DPP7: variants seen among roughly 807,000 people sequenced by gnomAD.
DPP7 encodes the protein dipeptidyl peptidase 7.
In DPP7, 74 loss-of-function variants were observed where a neutral mutation model predicts 58.8. The ratio of observed to expected loss-of-function variants is 1.26; its 90% CI spans 1.04 to 1.53. The LOEUF is 1.53. Ranked by LOEUF, DPP7 falls within the 40% of genes most tolerant of loss-of-function variation. The pLI is 0.00. For missense variants in DPP7, 807 were observed against 692.3 expected (o/e 1.17, Z -1.86); for synonymous variants, 350 against 303.6 (o/e 1.15, Z -1.59).
At position 137,113,364 on chromosome 9, in the gene DPP7, C is replaced by A. The variant is rs372876497; in HGVS notation, c.618G>T (p.Thr206=). 7 of 1,611,324 alleles carry A rather than the reference C, an allele frequency of 4.3e-6. No homozygotes were observed. In the East Asian group the frequency reaches 1.1e-4, roughly 26 times the overall value. Residue 206 remains threonine, a synonymous_variant, in exon 5 of 13, where the codon ACG becomes ACT. Coordinates refer to ENST00000371579, the MANE Select transcript of DPP7 (RefSeq NM_013379.3). ...GDSNQFFRDV[T]ADFEGQSPKC... ...GAGGACCCCAAGCCTCACTCACCGC[C>A]GTGACGTCCCGGAAGAACTGGTTGG...
chr9:137,116,072 C>A (rs777507039), upstream of DPP7, among the ~76,000 whole-genome samples: 2 of 152,214 alleles, frequency 1.3e-5, no homozygotes, highest in Non-Finnish European at 2.9e-5. Flanking sequence ...CCAAGCACAC[C>A]AGAGCCTGGA....
intron 11 of DPP7, among the ~76,000 whole-genome samples, 187 bp from the exon 12 acceptor site, chr9:137,111,137 G>T (rs916360190): frequency 6.6e-6 from 1 of 152,162 alleles, no homozygotes; most frequent in African/African-American, 2.4e-5. Context: ...GGTGAGACAG[G>T]AGCAGGGAAG....
intron 3 of DPP7, 22 bp downstream of exon 3, chr9:137,114,204 TGCCCCGCGACCCCGCCC>T (rs1831529586): frequency 1.0e-6 from 1 of 977,914 alleles, no homozygotes; most frequent in Non-Finnish European, 1.3e-6. Context: ...GGCACCCACG[TGCCCCGCGACCCCGCCC>T]GCGACCCCGC....
chr9:137,110,719 CGAT>C lies in DPP7; in HGVS notation c.1405_1407del (p.Ile469del), dbSNP rs556718103. ...CGCCTGGCTGCCTTTACCCACTCGC[CGAT>C]GATGGTGGCCTCCAGCTTCCGCGCC... On this transcript the variant is annotated inframe_deletion, in exon 13 of 13. Transcript: ENST00000371579. 0.011 allele frequency: 16,890 copies of C among 1,607,978 alleles called. 101 individuals carry two copies. Among genetic ancestry groups the C allele is most frequent in the Non-Finnish European group, 0.013 (15,136 of 1,179,912 alleles).
chr9:137,114,414 G>A (rs758609260), intron 2 of DPP7, 32 bp from the exon 3 acceptor site: 17 of 1,566,848 alleles, frequency 1.1e-5, no homozygotes, highest in Non-Finnish European at 1.5e-5. Flanking sequence ...CGAGGGTGCC[G>A]GGGGGCGGCG....
chr9:137,112,523 A>G, intron 8 of DPP7: 1 of 667,620 alleles, frequency 1.5e-6, no homozygotes, highest in Non-Finnish European at 2.5e-6. Flanking sequence ...GGCAGCACCC[A>G]CCAAGCTGGG....
intron 11 of DPP7, among the ~76,000 whole-genome samples, chr9:137,111,443 G>A (rs1054270429): frequency 6.6e-6 from 1 of 152,238 alleles, no homozygotes; most frequent in Non-Finnish European, 1.5e-5. Context: ...TTGAGCCCAA[G>A]AGTTCGAGAC....
rs755783035 is a variant in DPP7, at chr9:137,114,053, GGCCCCGCGACCCCGCCCGGCACCCGCGT to G, written c.322-53_322-26del. ...GCTGGGGGAACGTGCCATTGAGCCCGGCCCCGCGACCCCGCCCGGCACCCGCGTGCCCCGCGACCCCCGCCCGCGACCC... is the reference window on the plus strand; with the variant it reads ...GCTGGGGGAACGTGCCATTGAGCCCGGCCCCGCGACCCCCGCCCGCGACCC... On this transcript the variant is annotated intron_variant, in intron 3 of 12. Transcript: ENST00000371579. 1.6e-4 allele frequency: 204 copies of G among 1,313,734 alleles called. No homozygotes were observed. In the East Asian group the frequency reaches 5.6e-3, roughly 36 times the overall value. 81.4% of individuals were successfully genotyped at this position (1,313,734 alleles called of 1,614,324 possible). A position where few individuals can be genotyped will look rare whatever the true frequency, so the allele number is the denominator to read the frequency against.
At chr9:137,113,611 C>T (rs1184394258) in intron 4 of DPP7, 115 bp from the exon 5 acceptor site, 6 of 1,441,138 alleles carry the variant, frequency 4.2e-6, no homozygotes, top group Admixed American at 2.8e-5. Context: ...CCCACAAATT[C>T]CAACCCTGGG....
chr9:137,117,077 C>T (rs945436959), upstream of DPP7, among the ~76,000 whole-genome samples: 4 of 152,228 alleles, frequency 2.6e-5, no homozygotes, highest in African/African-American at 7.2e-5. Context: ...ACTCAGAGAC[C>T]GGGGCCGGTG....
At position 137,114,585 on chromosome 9, in the gene DPP7, G is replaced by A. The variant is rs1042278723; in HGVS notation, c.68-9C>T. The stretch of plus-strand genomic sequence containing the variant: ...GTCCGGGGCCCTGCGGGCTGTGGGG[G>A]GACGCGAACCTCAGAGGCGGGGCCG... On this transcript the variant is annotated splice_polypyrimidine_tract_variant and intron_variant, in intron 1 of 12. Coordinates refer to ENST00000371579, the MANE Select transcript of DPP7 (RefSeq NM_013379.3). The A allele has an allele frequency of 1.3e-5, 20 of 1,512,792 alleles. No homozygotes were observed. In the Admixed American group the frequency reaches 3.2e-4, roughly 24 times the overall value. 93.7% of individuals were successfully genotyped at this position (1,512,792 alleles called of 1,614,324 possible).
At chr9:137,111,058 C>G (rs1018431901) in intron 11 of DPP7, 108 bp from the exon 12 acceptor site, 1 of 1,098,746 alleles carries the variant, frequency 9.1e-7, no homozygotes, top group East Asian at 2.5e-5. Flanking sequence ...ACTCAGTGCC[C>G]ATCAAGCAAC....
upstream of DPP7, chr9:137,114,772 C>T (rs535437822): frequency 4.7e-4 from 571 of 1,218,182 alleles, 3 homozygotes; most frequent in African/African-American, 7.2e-3. Flanking sequence ...AGGGCGCGCT[C>T]CTCCCTCCAG....
At position 137,114,706 on chromosome 9, in the gene DPP7, G is replaced by A. The variant is rs1482871087; in HGVS notation, c.8C>T (p.Ser3Phe). 2 of 1,302,100 alleles carry A rather than the reference G, an allele frequency of 1.5e-6. No homozygotes were observed. The highest frequency in any genetic ancestry group is 1.9e-6 in the Non-Finnish European group (2 of 1,027,500). The allele number at this position is 1,302,100 out of a possible 1,614,324, so 80.7% of individuals were successfully genotyped here. A position where few individuals can be genotyped will look rare whatever the true frequency, so the allele number is the denominator to read the frequency against. ...CAGCAGGACCGGGGCCCAGGGAGCGGAGCCCATGTCGCCTTCCGCGGGCGC... is the reference window on the plus strand; with the variant it reads ...CAGCAGGACCGGGGCCCAGGGAGCGAAGCCCATGTCGCCTTCCGCGGGCGC... MG[S>F]APWAPVLLLA... is the part of the protein sequence containing the mutation. Residue 3 changes from serine to phenylalanine, a missense_variant, in exon 1 of 13, where the codon TCC becomes TTC. Ser to Phe is a radical substitution (Grantham distance 155). This residue lies in a region of DPP7 where 168 missense variants were observed against 124.1 expected (regional missense o/e 1.35). Coordinates refer to ENST00000371579, the MANE Select transcript of DPP7 (RefSeq NM_013379.3).
At chr9:137,115,467 G>A (rs1481087877), upstream of DPP7, among the ~76,000 whole-genome samples, 1 of 152,284 alleles carries the variant, frequency 6.6e-6, no homozygotes, top group East Asian at 1.9e-4. Flanking sequence ...CCGTAGTGGT[G>A]GGTGCCAGAC....
Position 137,113,437 on chromosome 9 carries a change from G to GC in DPP7, c.544dup (p.Ala182GlyfsTer29). ...TAGAACGGGCGCGCTGGCCGCCAGC[G>GC]CCCCCGCCACCAGGTGGGGATACTT... On this transcript the variant is annotated frameshift_variant, in exon 5 of 13. Coordinates refer to ENST00000371579, the MANE Select transcript of DPP7 (RefSeq NM_013379.3). LOFTEE classifies it high-confidence loss of function. 1 of 1,600,830 alleles carries GC rather than the reference G, an allele frequency of 6.2e-7. No individual in the cohort carries two copies.
chr9:137,114,156 ACCCGCGTGC>A (rs1831524956), intron 3 of DPP7, 78 bp downstream of exon 3: 3 of 311,118 alleles, frequency 9.6e-6, no homozygotes, highest in Non-Finnish European at 1.2e-5. Context: ...CCCGCCCGGC[ACCCGCGTGC>A]CCCGCGACCC....
chr9:137,110,917 C>T lies in DPP7; in HGVS notation c.1306G>A (p.Val436Ile), dbSNP rs146742762. Residue 436 changes from valine (V) to isoleucine (I), a missense_variant, in exon 12 of 13, where the codon GTC becomes ATC. Physicochemically the swap from Val to Ile is conservative, Grantham distance 29. This residue lies in a region of DPP7 where 624 missense variants were observed against 531.2 expected (regional missense o/e 1.17). Transcript: ENST00000371579. The stretch of plus-strand genomic sequence containing the variant: ...TGGTGCGCTCCCCCCTGGATGGTGA[C>T]GGCGATGACTGAGGCACTCAGGTTC... ...RRNLSASVIAVTIQGGAHHLD... is the reference protein window; with the variant it reads ...RRNLSASVIAITIQGGAHHLD... The T allele has an allele frequency of 2.8e-5, 45 of 1,612,936 alleles. No homozygotes were observed. In the African/African-American group the frequency reaches 3.7e-4, roughly 13 times the overall value.
chr9:137,116,788 C>G (rs903222662), upstream of DPP7, among the ~76,000 whole-genome samples: 1 of 152,190 alleles, frequency 6.6e-6, no homozygotes, highest in Admixed American at 6.5e-5. Flanking sequence ...GTGTAAAACC[C>G]GATCGTACAT....
Sources: allele counts gnomAD v4.1 joint callset (sites outside exome capture counted in the v4.1 genomes callset), GRCh38; gene constraint gnomAD v4.1.1; regional missense constraint gnomAD v4.1.1; transcripts MANE v1.5; gene names NCBI Gene and HGNC (gene_info 2026-07-23, HGNC 2026-07-21).